Variants in ATG10 observed in about 807,000 individuals in gnomAD.
ATG10 encodes the protein autophagy related 10.
Under a neutral mutation model 32.1 loss-of-function variants are expected in ATG10, and 30 were observed. The ratio of observed to expected loss-of-function variants is 0.94; its 90% CI spans 0.70 to 1.27. The LOEUF (loss-of-function observed/expected upper bound fraction) is 1.27. ATG10 is among the 50% of genes most tolerant of loss of function. The pLI is 0.00. For synonymous variants in ATG10, 87 were observed against 91.5 expected, an observed-to-expected ratio of 0.95 and a Z score of 0.28; for missense variants, 233 against 262.3, an observed-to-expected ratio of 0.89 and a Z score of 0.77.
intron 4 of ATG10, among the ~76,000 whole-genome samples, chr5:82,173,230 A>T (rs1263990014): frequency 6.6e-6 from 1 of 152,220 alleles, no homozygotes; most frequent in Non-Finnish European, 1.5e-5. Flanking sequence ...CTAGAGTTAG[A>T]TAGTGCTGGT....
intron 3 of ATG10, among the ~76,000 whole-genome samples, chr5:82,089,020 T>G (rs960382271): frequency 2.0e-5 from 3 of 152,202 alleles, no homozygotes; most frequent in African/African-American, 7.2e-5. Context: ...TTAGTTTACC[T>G]GATTCCAAGA....
chr5:82,112,915 G>C (rs1318620194), intron 3 of ATG10, among the ~76,000 whole-genome samples: 1 of 151,802 alleles, frequency 6.6e-6, no homozygotes, highest in African/African-American at 2.4e-5. Context: ...GATATCAGAT[G>C]TATTTATTTT....
intron 5 of ATG10, among the ~76,000 whole-genome samples, chr5:82,232,698 C>T (rs897765131): frequency 1.3e-5 from 2 of 152,140 alleles, no homozygotes; most frequent in African/African-American, 2.4e-5. Context: ...TTCATGGTAG[C>T]TTCCTTCCTG....
At chr5:82,116,709 A>G (rs1244980923) in intron 3 of ATG10, among the ~76,000 whole-genome samples, 7 of 152,222 alleles carry the variant, frequency 4.6e-5, no homozygotes, top group African/African-American at 9.6e-5. Flanking sequence ...CCCGAATCCT[A>G]TTTCAATCAG....
At chr5:82,162,075 G>A (rs1374216500) in intron 3 of ATG10, among the ~76,000 whole-genome samples, 1 of 151,934 alleles carries the variant, frequency 6.6e-6, no homozygotes. Context: ...TTATATATGT[G>A]TGTATATATG....
intron 3 of ATG10, among the ~76,000 whole-genome samples, chr5:82,087,598 G>A (rs1764734780): frequency 6.6e-6 from 1 of 152,122 alleles, no homozygotes; most frequent in Admixed American, 6.6e-5. Flanking sequence ...ACTGTTCTAT[G>A]TGCTGGTGAT....
intron 3 of ATG10, among the ~76,000 whole-genome samples, chr5:82,146,872 T>C (rs112725298): frequency 3.3e-5 from 5 of 152,352 alleles, no homozygotes; most frequent in African/African-American, 1.2e-4. Flanking sequence ...AAGTTTTTAT[T>C]TGACATTTTC....
chr5:82,142,474 CAGG>C (rs1767190855), intron 3 of ATG10, among the ~76,000 whole-genome samples: 1 of 152,004 alleles, frequency 6.6e-6, no homozygotes, highest in South Asian at 2.1e-4. Context: ...CATGAGACAG[CAGG>C]AGAACTACAA....
intron 3 of ATG10, among the ~76,000 whole-genome samples, chr5:82,061,426 A>C (rs766091531): frequency 6.7e-6 from 1 of 148,932 alleles, no homozygotes; most frequent in Non-Finnish European, 1.5e-5. Context: ...TATGTCCTTT[A>C]TCTCTCCTTC....
intron 2 of ATG10, among the ~76,000 whole-genome samples, chr5:81,993,712 C>T (rs1300911002): frequency 2.0e-5 from 3 of 151,990 alleles, no homozygotes; most frequent in African/African-American, 7.3e-5. Flanking sequence ...AGACGTGAGC[C>T]ACCGTGCCCA....
At chr5:82,231,627 C>T (rs1746371355) in intron 5 of ATG10, among the ~76,000 whole-genome samples, 1 of 152,116 alleles carries the variant, frequency 6.6e-6, no homozygotes, top group South Asian at 2.1e-4. Context: ...AGATCTTTAA[C>T]ATTTTTCGTT....
intron 5 of ATG10, among the ~76,000 whole-genome samples, chr5:82,245,987 A>G (rs1747012880): frequency 6.6e-6 from 1 of 152,186 alleles, no homozygotes. Context: ...TTGCTTCACA[A>G]CAAGAAAAAG....
intron 4 of ATG10, among the ~76,000 whole-genome samples, chr5:82,168,486 A>G (rs1233307104): frequency 6.6e-6 from 1 of 152,198 alleles, no homozygotes; most frequent in Non-Finnish European, 1.5e-5. Flanking sequence ...AGCTGTTTTG[A>G]CATATTTCTT....
intron 5 of ATG10, among the ~76,000 whole-genome samples, chr5:82,203,600 CAT>C (rs1298873120): frequency 1.3e-5 from 2 of 152,082 alleles, no homozygotes; most frequent in African/African-American, 4.8e-5. Flanking sequence ...TTTTTTATCT[CAT>C]ATTGTTGTAC....
intron 5 of ATG10, among the ~76,000 whole-genome samples, chr5:82,247,130 A>G (rs1747070418): frequency 6.6e-6 from 1 of 151,972 alleles, no homozygotes; most frequent in African/African-American, 2.4e-5. Context: ...GGGTTTTTTT[A>G]TATTTCTCCT....
intron 5 of ATG10, among the ~76,000 whole-genome samples, chr5:82,189,226 G>T (rs1744567722): frequency 6.6e-6 from 1 of 152,154 alleles, no homozygotes; most frequent in African/African-American, 2.4e-5. Flanking sequence ...AATGGTGGAT[G>T]GGAAAAGGCA....
chr5:82,251,523 G>A (rs1207875973), intron 5 of ATG10, among the ~76,000 whole-genome samples: 1 of 152,168 alleles, frequency 6.6e-6, no homozygotes, highest in African/African-American at 2.4e-5. Context: ...ATTCCCACAT[G>A]GGACAGTTGG....
intron 2 of ATG10, among the ~76,000 whole-genome samples, chr5:82,012,457 A>G (rs1057074685): frequency 2.6e-5 from 4 of 152,130 alleles, no homozygotes; most frequent in African/African-American, 9.7e-5. Flanking sequence ...TTTGCCCATA[A>G]TAACTACATA....
intron 5 of ATG10, among the ~76,000 whole-genome samples, chr5:82,189,632 GT>G (rs953476197): frequency 4.0e-5 from 6 of 151,704 alleles, no homozygotes; most frequent in African/African-American, 1.4e-4. Flanking sequence ...TTTGTTTTTT[GT>G]TTTTTTTGGA....
Sources: gnomAD v4.1 joint callset for allele counts (sites outside exome capture counted in the v4.1 genomes callset) on GRCh38, gnomAD v4.1.1 for gene constraint, MANE v1.5 for transcripts, NCBI Gene and HGNC (gene_info 2026-07-23, HGNC 2026-07-21) for gene names.